CACNA2D4: variants seen among roughly 807,000 people sequenced by gnomAD.
The protein encoded by CACNA2D4 is voltage-dependent calcium channel subunit alpha-2/delta-4.
Under a neutral mutation model 163.8 loss-of-function variants are expected in CACNA2D4, and 157 were observed. The ratio of observed to expected loss-of-function variants is 0.96; its 90% CI spans 0.84 to 1.09. The LOEUF (loss-of-function observed/expected upper bound fraction) is 1.09. CACNA2D4 is among the 50% of genes least tolerant of loss of function. The pLI is 0.00. For synonymous variants in CACNA2D4, 598 were observed against 586.9 expected (o/e 1.02, Z -0.27); for missense variants, 1,410 against 1,479.9 (o/e 0.95, Z 0.78).
At chr12:1,800,632 T>A in intron 31 of CACNA2D4, 194 bp from the exon 32 acceptor site, 1 of 615,612 alleles carries the variant, frequency 1.6e-6, no homozygotes, top group South Asian at 1.9e-5. Flanking sequence ...AGAGCTGAGC[T>A]AGCTGGGAAA....
intron 26 of CACNA2D4, among the ~76,000 whole-genome samples, chr12:1,832,985 T>G (rs1864697196): frequency 6.6e-6 from 1 of 152,140 alleles, no homozygotes; most frequent in South Asian, 2.1e-4. Flanking sequence ...GGATGTGAGG[T>G]TTGCTGCAGG....
In CACNA2D4 at chr12:1,829,915, A is replaced by G. The variant is rs1260720121; in HGVS notation, c.2551+10824T>C. ...AGGCTTCTCTGCTACTCAGGAGGAC[A>G]CTTAGGGGTTTTTGAGGCCACTATT... On this transcript the variant is annotated intron_variant, in intron 26 of 37. Coordinates refer to ENST00000382722, the MANE Select transcript of CACNA2D4 (RefSeq NM_172364.5). The surrounding 1 kb of genome is among the most constrained non-coding windows in gnomAD (Gnocchi z 4.2). Among the ~76,000 whole-genome samples the G allele has an allele frequency of 6.6e-6, 1 of 152,044 alleles. No homozygotes were observed. The highest frequency in any genetic ancestry group is 1.5e-5 in the Non-Finnish European group (1 of 68,002).
intron 26 of CACNA2D4, among the ~76,000 whole-genome samples, chr12:1,822,963 C>T (rs1378896577): frequency 6.6e-6 from 1 of 152,200 alleles, no homozygotes; most frequent in Non-Finnish European, 1.5e-5. Flanking sequence ...CCCTGCAGGC[C>T]CAGGGTGTGG....
chr12:1,795,568 CGGTGAAGGAGGCT>C, intron 36 of CACNA2D4, 87 bp downstream of exon 36: 14 of 883,046 alleles, frequency 1.6e-5, no homozygotes, highest in Non-Finnish European at 2.4e-5. Context: ...AGGACACGGG[CGGTGAAGGAGGCT>C]GGCCCCGCTG....
intron 18 of CACNA2D4, among the ~76,000 whole-genome samples, chr12:1,860,723 G>A (rs958504148): frequency 1.3e-5 from 2 of 152,146 alleles, no homozygotes; most frequent in African/African-American, 4.8e-5. Flanking sequence ...GGGAGAAGGG[G>A]TGCACCATTC....
chr12:1,834,097 T>A lies in CACNA2D4; in HGVS notation c.2551+6642A>T, dbSNP rs1194194837. ...CTCACTGTGGACTTGGCTCAATCAATGCTGTTTTCCCTCCTCCGCTTCCTC... is the reference window on the plus strand; with the variant it reads ...CTCACTGTGGACTTGGCTCAATCAAAGCTGTTTTCCCTCCTCCGCTTCCTC... On this transcript the variant is annotated intron_variant, in intron 26 of 37. Coordinates refer to ENST00000382722, the MANE Select transcript of CACNA2D4 (RefSeq NM_172364.5). The surrounding 1 kb of genome is among the most constrained non-coding windows in gnomAD (Gnocchi z 7.6). Among the ~76,000 whole-genome samples, 1 of 152,248 alleles carries A rather than the reference T, an allele frequency of 6.6e-6. No individual in the cohort carries two copies. Among genetic ancestry groups the A allele is most frequent in the Non-Finnish European group, 1.5e-5 (1 of 68,036 alleles).
Position 1,846,724 on chromosome 12 carries a change from T to C in CACNA2D4, c.2247-35A>G, listed in dbSNP as rs7137876. 1,254,397 of 1,527,590 alleles carry C rather than the reference T, an allele frequency of 0.82. 517,093 individuals carry two copies. The highest frequency in any genetic ancestry group is 1 in the East Asian group (41,934 of 41,958). 94.6% of individuals were successfully genotyped at this position (1,527,590 alleles called of 1,614,324 possible). A position where few individuals can be genotyped will look rare whatever the true frequency, so the allele number is the denominator to read the frequency against. On this transcript the variant is annotated intron_variant, in intron 23 of 37. Coordinates refer to ENST00000382722, the MANE Select transcript of CACNA2D4 (RefSeq NM_172364.5). ...AGACAGAGCGGGAATGGTCACCACATGGCTGTGGCAAGAGCTTGGGGGCGA... is the reference window on the plus strand; with the variant it reads ...AGACAGAGCGGGAATGGTCACCACACGGCTGTGGCAAGAGCTTGGGGGCGA...
chr12:1,797,083 A>G (rs1041778861), intron 35 of CACNA2D4, among the ~76,000 whole-genome samples: 3 of 152,216 alleles, frequency 2.0e-5, no homozygotes, highest in Non-Finnish European at 4.4e-5. Flanking sequence ...GACCCGCCGA[A>G]GGGCCCACTC....
intron 5 of CACNA2D4, 149 bp from the exon 6 acceptor site, chr12:1,907,720 G>GCCA: frequency 1.7e-6 from 2 of 1,186,748 alleles, no homozygotes; most frequent in Non-Finnish European, 2.4e-6. Context: ...TCTGGTGGAC[G>GCCA]GCCTGGTGGG....
rs1865920199 is a variant in CACNA2D4, at chr12:1,878,227, A to G, written c.1719+88T>C. On this transcript the variant is annotated intron_variant, in intron 16 of 37. Transcript: ENST00000382722. The surrounding 1 kb of genome is among the most constrained non-coding windows in gnomAD (Gnocchi z 4.6). Reference sequence around the variant, plus strand: ...CCACTGGGTTCCTAAATGGAGCCCAATGTGTGTTTGTTGTTTTAATCGTTT... The same window carrying G: ...CCACTGGGTTCCTAAATGGAGCCCAGTGTGTGTTTGTTGTTTTAATCGTTT... The G allele has an allele frequency of 3.5e-6, 5 of 1,433,894 alleles. No individual in the cohort carries two copies. In the Admixed American group the frequency reaches 7.9e-5, roughly 23 times the overall value. 88.8% of individuals were successfully genotyped at this position (1,433,894 alleles called of 1,614,324 possible).
At position 1,806,701 on chromosome 12, in the gene CACNA2D4, A is replaced by G. The variant is rs181168763; in HGVS notation, c.2721+3577T>C. Among the ~76,000 whole-genome samples, 5 of 152,310 alleles carry G rather than the reference A, an allele frequency of 3.3e-5. No homozygotes were observed. In the East Asian group the frequency reaches 9.7e-4, roughly 29 times the overall value. On this transcript the variant is annotated intron_variant, in intron 29 of 37. Transcript: ENST00000382722. The surrounding 1 kb of genome is among the most constrained non-coding windows in gnomAD (Gnocchi z 4.1). The stretch of plus-strand genomic sequence containing the variant: ...AGGGTTCTCAACCCACCATGCACCC[A>G]GTCACCTGGAGGGCCCCTTTGAGCA...
At chr12:1,835,744 C>T (rs1022138944) in intron 26 of CACNA2D4, 3 of 152,604 alleles carry the variant, frequency 2.0e-5, no homozygotes, top group African/African-American at 7.2e-5. Context: ...GCATGGCGGC[C>T]TCCTGAGGAC....
At chr12:1,903,356 T>C (rs1413168284) in intron 6 of CACNA2D4, among the ~76,000 whole-genome samples, 1 of 152,022 alleles carries the variant, frequency 6.6e-6, no homozygotes, top group African/African-American at 2.4e-5. Context: ...AAAGCAAACA[T>C]TGATAAATGG....
chr12:1,816,208 C>T (rs1863865654), intron 26 of CACNA2D4, among the ~76,000 whole-genome samples: 1 of 152,212 alleles, frequency 6.6e-6, no homozygotes, highest in Non-Finnish European at 1.5e-5. Context: ...CAGGAGACAA[C>T]ACCTTATGAT....
intron 27 of CACNA2D4, among the ~76,000 whole-genome samples, chr12:1,810,893 G>A (rs945613580): frequency 3.9e-5 from 6 of 152,178 alleles, no homozygotes; most frequent in Non-Finnish European, 7.4e-5. Flanking sequence ...TGTGGCCTGC[G>A]GGTGCTGCAT....
intron 1 of CACNA2D4, chr12:1,915,375 T>C: frequency 1.6e-6 from 1 of 642,562 alleles, no homozygotes; most frequent in Non-Finnish European, 2.8e-6. Flanking sequence ...CCAGGGCCTC[T>C]GGTTGGAGAG....
chr12:1,907,680 C>T (rs952984117), intron 5 of CACNA2D4, 109 bp from the exon 6 acceptor site: 11 of 1,199,380 alleles, frequency 9.2e-6, no homozygotes, highest in Non-Finnish European at 1.3e-5. Context: ...GTCTGGTAAG[C>T]GTGCCTGGTG....
chr12:1,803,578 T>G (rs750221609), intron 29 of CACNA2D4, among the ~76,000 whole-genome samples: 1 of 152,160 alleles, frequency 6.6e-6, no homozygotes, highest in Non-Finnish European at 1.5e-5. Context: ...TGCAACCCAC[T>G]AAAAATGCAT....
At position 1,829,226 on chromosome 12, in the gene CACNA2D4, C is replaced by G. The variant is rs760751185; in HGVS notation, c.2551+11513G>C. Among the ~76,000 whole-genome samples the G allele has an allele frequency of 6.6e-6, 1 of 152,206 alleles. No individual in the cohort carries two copies. The highest frequency in any genetic ancestry group is 1.5e-5 in the Non-Finnish European group (1 of 68,040). ...TCTCTTAGCCTGCTGTCAGGCCCTTCTCTGGGAGGGGCGAGCGGCTTCTGG... is the reference window on the plus strand; with the variant it reads ...TCTCTTAGCCTGCTGTCAGGCCCTTGTCTGGGAGGGGCGAGCGGCTTCTGG... On this transcript the variant is annotated intron_variant, in intron 26 of 37. Coordinates refer to ENST00000382722, the MANE Select transcript of CACNA2D4 (RefSeq NM_172364.5). The surrounding 1 kb of genome is among the most constrained non-coding windows in gnomAD (Gnocchi z 4.2).
Sources: allele counts gnomAD v4.1 joint callset (sites outside exome capture counted in the v4.1 genomes callset), GRCh38; gene constraint gnomAD v4.1.1; non-coding constraint Gnocchi (gnomAD v3.1); transcripts MANE v1.5; gene names NCBI Gene and HGNC (gene_info 2026-07-23, HGNC 2026-07-21).